KLRF1: variants seen among roughly 807,000 people sequenced by gnomAD.
The protein encoded by KLRF1 is killer cell lectin-like receptor subfamily F member 1.
Under a neutral mutation model 30.7 loss-of-function variants are expected in KLRF1, and 27 were observed. The ratio of observed to expected loss-of-function variants is 0.88; its 90% confidence interval spans 0.65 to 1.21. KLRF1 has a LOEUF of 1.21. Ranked by LOEUF, KLRF1 falls within the 50% of genes most tolerant of loss-of-function variation. KLRF1 has a pLI of 0.00. For missense variants in KLRF1, 246 were observed against 259.3 expected, an observed-to-expected ratio of 0.95 and a Z score of 0.35; for synonymous variants, 92 against 89.3, an observed-to-expected ratio of 1.03 and a Z score of -0.17.
At chr12:9,812,168 A>G in the KLRF1 span, among the ~76,000 whole-genome samples, 5 of 152,170 alleles carry the variant, frequency 3.3e-5, no homozygotes, top group East Asian at 3.9e-4. Context: ...GATCACGACA[A>G]TCCTGGCTAA....
At chr12:9,806,981 C>A in the KLRF1 span, among the ~76,000 whole-genome samples, 1 of 152,162 alleles carries the variant, frequency 6.6e-6, no homozygotes, top group Admixed American at 6.5e-5. Flanking sequence ...CATGCCTGGC[C>A]TATGTCTTCT....
At chr12:9,812,489 C>A in the KLRF1 span, among the ~76,000 whole-genome samples, 1 of 152,014 alleles carries the variant, frequency 6.6e-6, no homozygotes, top group East Asian at 1.9e-4. Flanking sequence ...ATCAGGCAAT[C>A]TGTCAAGATA....
chr12:9,814,162 G>C, the KLRF1 span, among the ~76,000 whole-genome samples: 1 of 152,110 alleles, frequency 6.6e-6, no homozygotes, highest in African/African-American at 2.4e-5. Context: ...CACCCCGGGG[G>C]AATCGGCAGT....
intron 5 of KLRF1, among the ~76,000 whole-genome samples, chr12:9,842,970 A>G (rs1242892883): frequency 6.6e-6 from 1 of 152,194 alleles, no homozygotes; most frequent in Admixed American, 6.6e-5. Flanking sequence ...TTAGCAGGCA[A>G]GATAATGGTC....
chr12:9,820,146 A>T, the KLRF1 span, among the ~76,000 whole-genome samples: 1 of 148,896 alleles, frequency 6.7e-6, no homozygotes, highest in Non-Finnish European at 1.5e-5. Context: ...CACCCTCACC[A>T]GTGTGTTTGG....
At chr12:9,802,328 G>GA in the KLRF1 span, among the ~76,000 whole-genome samples, 1,252 of 151,986 alleles carry the variant, frequency 8.2e-3, 14 homozygotes, top group African/African-American at 0.028. Context: ...GGTATTGATG[G>GA]ATGTGTCTCA....
the KLRF1 span, among the ~76,000 whole-genome samples, chr12:9,806,091 T>C: frequency 6.6e-6 from 1 of 151,998 alleles, no homozygotes; most frequent in East Asian, 1.9e-4. Flanking sequence ...TACATTTTAC[T>C]TTAATATTAT....
chr12:9,805,313 A>T, the KLRF1 span, among the ~76,000 whole-genome samples: 47 of 151,842 alleles, frequency 3.1e-4, 1 homozygote, highest in Admixed American at 1.3e-4. Context: ...TGACACATTG[A>T]CATCTTGTGT....
chr12:9,819,072 C>T, the KLRF1 span, among the ~76,000 whole-genome samples: 564 of 152,286 alleles, frequency 3.7e-3, 6 homozygotes, highest in African/African-American at 0.013. Context: ...GCACAATTCT[C>T]CCATGGATCT....
At chr12:9,837,570 C>A (rs1186301744) in intron 3 of KLRF1, among the ~76,000 whole-genome samples, 1 of 152,104 alleles carries the variant, frequency 6.6e-6, no homozygotes, top group East Asian at 1.9e-4. Flanking sequence ...TATGTGGGAG[C>A]TTTCCAAAGT....
At chr12:9,828,418 T>C (rs1867332594) in intron 1 of KLRF1, among the ~76,000 whole-genome samples, 1 of 144,828 alleles carries the variant, frequency 6.9e-6, no homozygotes, top group African/African-American at 2.9e-5. Context: ...TCAAAAACTT[T>C]ATGCTTTTCA....
At chr12:9,827,684 C>T (rs1451021139) in intron 1 of KLRF1, 55 bp downstream of exon 1, 3 of 988,556 alleles carry the variant, frequency 3.0e-6, no homozygotes, top group Non-Finnish European at 4.8e-6. Context: ...GGTAGTTTCC[C>T]GTATCCTGTT....
At chr12:9,812,263 G>A in the KLRF1 span, among the ~76,000 whole-genome samples, 1 of 151,538 alleles carries the variant, frequency 6.6e-6, no homozygotes, top group Non-Finnish European at 1.5e-5. Context: ...TACTCGGGAG[G>A]CTGAGGCAGG....
chr12:9,841,346 C>G (rs745496003), intron 3 of KLRF1, among the ~76,000 whole-genome samples: 16 of 151,826 alleles, frequency 1.1e-4, no homozygotes, highest in Non-Finnish European at 1.6e-4. Flanking sequence ...AGGATCAGAA[C>G]AAATAACTAA....
intron 1 of KLRF1, among the ~76,000 whole-genome samples, chr12:9,830,416 T>A (rs188677639): frequency 4.6e-5 from 7 of 152,228 alleles, no homozygotes; most frequent in Admixed American, 3.3e-4. Flanking sequence ...TTTTTCTTCA[T>A]TGAATTATAT....
At chr12:9,809,467 G>C in the KLRF1 span, among the ~76,000 whole-genome samples, 5 of 152,120 alleles carry the variant, frequency 3.3e-5, no homozygotes, top group Non-Finnish European at 7.4e-5. Flanking sequence ...ATTTGAATTA[G>C]TTGAAACCGT....
intron 1 of KLRF1, among the ~76,000 whole-genome samples, chr12:9,829,034 T>A (rs1867348470): frequency 6.6e-6 from 1 of 152,198 alleles, no homozygotes; most frequent in Admixed American, 6.5e-5. Flanking sequence ...TGAATTAGAT[T>A]GACAATGTGA....
the KLRF1 span, among the ~76,000 whole-genome samples, chr12:9,821,306 G>A: frequency 6.6e-6 from 1 of 151,834 alleles, no homozygotes; most frequent in Admixed American, 6.6e-5. Flanking sequence ...AGACCCCCAG[G>A]GGCAACCAAA....
At chr12:9,804,143 ATATCTTAT>A in the KLRF1 span, among the ~76,000 whole-genome samples, 6 of 151,466 alleles carry the variant, frequency 4.0e-5, no homozygotes, top group Admixed American at 2.6e-4. Context: ...GCATGAAATG[ATATCTTAT>A]TATGGTTTTC....
Sources: gnomAD v4.1 joint callset for allele counts (sites outside exome capture counted in the v4.1 genomes callset) on GRCh38, gnomAD v4.1.1 for gene constraint, MANE v1.5 for transcripts, NCBI Gene and HGNC (gene_info 2026-07-23, HGNC 2026-07-21) for gene names.